HNRNPA1: variants seen among roughly 807,000 people sequenced by gnomAD.
HNRNPA1 encodes the protein heterogeneous nuclear ribonucleoprotein A1.
In HNRNPA1, 7 loss-of-function variants were observed where a neutral mutation model predicts 44.4. The observed-to-expected ratio is 0.16, with a 90% CI of 0.09 to 0.30. The LOEUF is 0.30. HNRNPA1 is among the 10% of genes least tolerant of loss of function. The pLI is 1.00. For missense variants in HNRNPA1, 193 were observed against 465.8 expected, an observed-to-expected ratio of 0.41 and a Z score of 5.39; for synonymous variants, 169 against 160.6, an observed-to-expected ratio of 1.05 and a Z score of -0.40.
In HNRNPA1 at chr12:54,282,492, CTTGTTGCTTAA is replaced by C. The variant is rs1565880464; in HGVS notation, c.583+9_583+19del. The C allele has an allele frequency of 1.2e-6, 2 of 1,612,292 alleles. No individual in the cohort carries two copies. Among genetic ancestry groups the C allele is most frequent in the African/African-American group, 2.7e-5 (2 of 74,880 alleles). ...TGCTTCATCCAGCCAAAGAGGTATGCTTGTTGCTTAATTAAACCTTAAAGGTAACTTTGAGT... is the reference window on the plus strand; with the variant it reads ...TGCTTCATCCAGCCAAAGAGGTATGCTTAAACCTTAAAGGTAACTTTGAGT... On this transcript the variant is annotated splice_region_variant and intron_variant, in intron 5 of 10. Coordinates refer to ENST00000340913, the MANE Select transcript of HNRNPA1 (RefSeq NM_031157.4).
At chr12:54,280,893 T>C in intron 1 of HNRNPA1, 71 bp downstream of exon 1, 2 of 1,541,334 alleles carry the variant, frequency 1.3e-6, no homozygotes, top group Non-Finnish European at 1.8e-6. Flanking sequence ...TGCTGCTGGG[T>C]TTCGTTCCTT....
chr12:54,283,677 CAA>C (rs1944216362), intron 8 of HNRNPA1, 133 bp from the exon 9 acceptor site: 6 of 846,378 alleles, frequency 7.1e-6, no homozygotes, highest in African/African-American at 1.7e-5. Context: ...GAATGAAATG[CAA>C]AGATTGGAGT....
chr12:54,281,678 A>C, intron 2 of HNRNPA1, 117 bp from the exon 3 acceptor site: 1 of 1,187,440 alleles, frequency 8.4e-7, no homozygotes, highest in Non-Finnish European at 1.2e-6. Flanking sequence ...GTAGTGGGAA[A>C]CTGGACGACT....
rs1944257396 is a variant in HNRNPA1, at chr12:54,285,914, G to T, written c.*1370G>T. 6.6e-6 allele frequency: 1 copy of T among 151,910 alleles called. No homozygotes were observed. Among genetic ancestry groups the T allele is most frequent in the African/African-American group, 2.4e-5 (1 of 41,356 alleles). The allele number at this position is 151,910 out of a possible 1,614,324, so 9.4% of individuals were successfully genotyped here. On this transcript the variant is annotated 3_prime_UTR_variant, in exon 11 of 11. Coordinates refer to ENST00000340913, the MANE Select transcript of HNRNPA1 (RefSeq NM_031157.4). ...AGGTGGTGGTGGGTGGGAAAGCATG[G>T]GTGATAGTTCCATGATACTGGCTGA... is the stretch of plus-strand genomic sequence containing the variant.
chr12:54,281,171 C>T (rs1031269505), intron 1 of HNRNPA1: 4 of 696,934 alleles, frequency 5.7e-6, no homozygotes, highest in South Asian at 1.5e-5. Context: ...GTTGCGCGTG[C>T]GTCGGAAGGC....
intron 6 of HNRNPA1, 44 bp from the exon 7 acceptor site, chr12:54,282,756 T>G (rs1292679102): frequency 1.3e-6 from 2 of 1,581,686 alleles, no homozygotes. Flanking sequence ...AGAATGTCAC[T>G]TTAAGTCCAA....
intron 8 of HNRNPA1, 50 bp downstream of exon 8, chr12:54,283,284 TTA>T: frequency 6.3e-7 from 1 of 1,589,384 alleles, no homozygotes; most frequent in East Asian, 2.3e-5. Context: ...GATTAGCCTT[TTA>T]GAGCTTGGGT....
chr12:54,283,999 A>G (rs1445079244), intron 9 of HNRNPA1, 32 bp downstream of exon 9: 3 of 1,600,820 alleles, frequency 1.9e-6, no homozygotes, highest in Non-Finnish European at 2.5e-6. Context: ...GGATAATGTC[A>G]AAAGAGTGTC....
chr12:54,284,185 C>CT (rs1302386538), intron 9 of HNRNPA1, 73 bp from the exon 10 acceptor site: 14 of 1,520,160 alleles, frequency 9.2e-6, no homozygotes, highest in Non-Finnish European at 1.2e-5. Context: ...TTGAATTTAA[C>CT]TTTTATTATC....
intron 10 of HNRNPA1, 56 bp from the exon 11 acceptor site, chr12:54,284,493 T>A: frequency 1.4e-6 from 1 of 728,702 alleles, no homozygotes. Flanking sequence ...TATTGGATTG[T>A]AGCCTTGAGT....
rs1349114126 is a variant in HNRNPA1 at position 54,282,651 on chromosome 12, A to G, written c.662A>G (p.Asn221Ser). ...AATGACAACTTCGGTCGTGGAGGAA[A>G]CTTCAGTGGTCGTGGTATGTATGGT... ...GGNDNFGRGG[N>S]FSGRGGFGGS... Residue 221 changes from asparagine to serine, a missense_variant, in exon 6 of 11, where the codon AAC becomes AGC. By Grantham distance (46) the Asn-to-Ser change is conservative. Around this residue, in one of 2 missense-constraint regions of HNRNPA1, gnomAD observed 136 missense variants for 234.4 expected, o/e 0.58. Coordinates refer to ENST00000340913, the MANE Select transcript of HNRNPA1 (RefSeq NM_031157.4). 6.2e-7 allele frequency: 1 copy of G among 1,613,402 alleles called. No homozygotes were observed.
rs1944184316 is a variant in HNRNPA1, at chr12:54,282,170, C to T, written c.360C>T (p.His120=). Reference sequence around the variant, plus strand: ...TTAAAGAAGACACTGAAGAACATCACCTAAGAGATTATTTTGAACAGTATG... The same window carrying T: ...TTAAAGAAGACACTGAAGAACATCATCTAAGAGATTATTTTGAACAGTATG... ...GGIKEDTEEH[H]LRDYFEQYGK... is the part of the protein sequence containing the mutation. Residue 120 remains histidine (H), a synonymous_variant, in exon 4 of 11, where the codon CAC becomes CAT. Transcript: ENST00000340913. 1.9e-6 allele frequency: 3 copies of T among 1,599,014 alleles called. No homozygotes were observed. Among genetic ancestry groups the T allele is most frequent in the South Asian group, 2.2e-5 (2 of 90,870 alleles).
At chr12:54,283,721 A>G in intron 8 of HNRNPA1, 91 bp from the exon 9 acceptor site, 13 of 1,264,664 alleles carry the variant, frequency 1.0e-5, no homozygotes, top group Non-Finnish European at 1.5e-5. Context: ...AAGGCTGATA[A>G]CTCAACCTTA....
Position 54,287,037 on chromosome 12 carries a change from A to G in HNRNPA1, c.*2493A>G, listed in dbSNP as rs769926860. On this transcript the variant is annotated 3_prime_UTR_variant, in exon 11 of 11. Coordinates refer to ENST00000340913, the MANE Select transcript of HNRNPA1 (RefSeq NM_031157.4). ...TTTACATGAGCTGTTCTGCAGCTCAAATTCCATTTTGTGAATGGGTTTTTT... is the reference window on the plus strand; with the variant it reads ...TTTACATGAGCTGTTCTGCAGCTCAGATTCCATTTTGTGAATGGGTTTTTT... The G allele has an allele frequency of 6.6e-6, 1 of 152,076 alleles. No individual in the cohort carries two copies. The highest frequency in any genetic ancestry group is 2.4e-5 in the African/African-American group (1 of 41,400). 9.4% of individuals were successfully genotyped at this position (152,076 alleles called of 1,614,324 possible).
chr12:54,281,451 T>C lies in HNRNPA1; in HGVS notation c.81T>C (p.Asp27=). ...GAGGGTTGAGCTTTGAAACAACTGA[T>C]GAGAGCCTGAGGAGCCATTTTGAGC... ...FIGGLSFETT[D]ESLRSHFEQW... is the part of the protein sequence containing the mutation. Residue 27 remains aspartate (D), a synonymous_variant, in exon 2 of 11, where the codon GAT becomes GAC. Coordinates refer to ENST00000340913, the MANE Select transcript of HNRNPA1 (RefSeq NM_031157.4). 1 of 1,612,776 alleles carries C rather than the reference T, an allele frequency of 6.2e-7. No homozygotes were observed. Among genetic ancestry groups the C allele is most frequent in the East Asian group, 2.2e-5 (1 of 44,878 alleles).
chr12:54,283,002 G>A (rs1362348028), intron 7 of HNRNPA1, 77 bp from the exon 8 acceptor site: 2 of 1,542,186 alleles, frequency 1.3e-6, no homozygotes, highest in African/African-American at 1.4e-5. Flanking sequence ...CTGTGAGCAG[G>A]CCTTCAGCCG....
rs762716873 is a variant in HNRNPA1, at chr12:54,282,592, C to T, written c.603C>T (p.Asn201=). The T allele has an allele frequency of 4.3e-6, 7 of 1,613,730 alleles. No homozygotes were observed. In the Admixed American group the frequency reaches 5.0e-5, roughly 12 times the overall value. The change falls in exon 6 of 11, where the codon AAC becomes AAT. Residue 201 remains asparagine, a synonymous_variant. Transcript: ENST00000340913. The part of the protein sequence containing the change: ...SSQRGRSGSG[N]FGGGRGGGFG... Reference sequence around the variant, plus strand: ...CTTAAGGTCGAAGTGGTTCTGGAAACTTTGGTGGTGGTCGTGGAGGTGGTT... The same window carrying T: ...CTTAAGGTCGAAGTGGTTCTGGAAATTTTGGTGGTGGTCGTGGAGGTGGTT...
Position 54,286,641 on chromosome 12 carries a change from A to C in HNRNPA1, c.*2097A>C, listed in dbSNP as rs1944267728. ...GGGACTTGGTCTTAGAGCTAGTTCT[A>C]AAGGTTGTTTACTTTTCTAGGGAGG... On this transcript the variant is annotated 3_prime_UTR_variant, in exon 11 of 11. Coordinates refer to ENST00000340913, the MANE Select transcript of HNRNPA1 (RefSeq NM_031157.4). 1 of 152,142 alleles carries C rather than the reference A, an allele frequency of 6.6e-6. No individual in the cohort carries two copies. Among genetic ancestry groups the C allele is most frequent in the Non-Finnish European group, 1.5e-5 (1 of 68,034 alleles). The allele number at this position is 152,142 out of a possible 1,614,324, so 9.4% of individuals were successfully genotyped here.
Position 54,286,821 on chromosome 12 carries a change from T to G in HNRNPA1, c.*2277T>G, listed in dbSNP as rs540649275. On this transcript the variant is annotated 3_prime_UTR_variant, in exon 11 of 11. Coordinates refer to ENST00000340913, the MANE Select transcript of HNRNPA1 (RefSeq NM_031157.4). ...CAAGCTGTACCTTAAACCAAAACAC[T>G]TCGTAATCTCATCCAATTGCAAAAA... The G allele has an allele frequency of 6.6e-6, 1 of 152,320 alleles. No individual in the cohort carries two copies. Among genetic ancestry groups the G allele is most frequent in the South Asian group, 2.1e-4 (1 of 4,832 alleles). 9.4% of individuals were successfully genotyped at this position (152,320 alleles called of 1,614,324 possible). A position where few individuals can be genotyped will look rare whatever the true frequency, so the allele number is the denominator to read the frequency against.
Sources: gnomAD v4.1 joint callset for allele counts on GRCh38, gnomAD v4.1.1 for gene constraint, gnomAD v4.1.1 regional missense constraint, MANE v1.5 for transcripts, NCBI Gene and HGNC (gene_info 2026-07-23, HGNC 2026-07-21) for gene names.